The following TSNAXIP1 variants were observed in gnomAD, a reference collection of about 807,000 sequenced individuals.
TSNAXIP1 encodes the protein translin associated factor X interacting protein 1, also known as translin-associated factor X-interacting protein 1.
A neutral mutation model predicts 84.8 loss-of-function variants in TSNAXIP1; 89 were observed. The ratio of observed to expected loss-of-function variants is 1.05; its 90% CI spans 0.88 to 1.25. TSNAXIP1 has a LOEUF of 1.25. Among genes scored for constraint, TSNAXIP1 ranks in the 50% most tolerant of loss-of-function variants. TSNAXIP1 has a pLI of 0.00. For missense variants in TSNAXIP1, 874 were observed against 887.6 expected (o/e 0.98, Z 0.20); for synonymous variants, 347 against 335.2 (o/e 1.04, Z -0.39).
At position 67,827,603 on chromosome 16, in the gene TSNAXIP1, G is replaced by A. The variant is rs369138982; in HGVS notation, c.1898+24G>A. Reference sequence around the variant, plus strand: ...CTGTGAGTGACCCTCATCCATAGGCGAGTCCCACAGGCTGGGCCCCTGAAG... The same window carrying A: ...CTGTGAGTGACCCTCATCCATAGGCAAGTCCCACAGGCTGGGCCCCTGAAG... On this transcript the variant is annotated intron_variant, in intron 15 of 15. Coordinates refer to ENST00000561639, the MANE Select transcript of TSNAXIP1 (RefSeq NM_001288990.3). The A allele has an allele frequency of 1.2e-4, 199 of 1,613,452 alleles. 1 individual carries two copies. The East Asian group carries it at 2.1e-3, about 17-fold the overall frequency.
intron 1 of TSNAXIP1, among the ~76,000 whole-genome samples, chr16:67,808,939 T>G (rs1567732453): frequency 6.7e-6 from 1 of 150,266 alleles, no homozygotes; most frequent in African/African-American, 2.5e-5. Flanking sequence ...GTAATCCCAA[T>G]ACTTTGGGAG....
intron 15 of TSNAXIP1, 28 bp from the exon 16 acceptor site, chr16:67,827,725 G>T: frequency 6.2e-7 from 1 of 1,613,294 alleles, no homozygotes. Flanking sequence ...AGGGGTCAGG[G>T]CCTGTCACTC....
chr16:67,823,157 G>A (rs533046900), intron 4 of TSNAXIP1, among the ~76,000 whole-genome samples: 50 of 152,292 alleles, frequency 3.3e-4, no homozygotes, highest in Admixed American at 1.7e-3. Flanking sequence ...CCCAGGCTCC[G>A]TGGCACTGTG....
rs779409740 is a variant in TSNAXIP1, at chr16:67,823,702, C to G, written c.464C>G (p.Ala155Gly). 9.3e-6 allele frequency: 15 copies of G among 1,612,140 alleles called. No individual in the cohort carries two copies. Among genetic ancestry groups the G allele is most frequent in the Non-Finnish European group, 1.1e-5 (13 of 1,178,998 alleles). The change falls in exon 5 of 16, where the codon GCG (alanine) becomes GGG (glycine). Residue 155 changes from alanine (A) to glycine (G), a missense_variant. By Grantham distance (60) the Ala-to-Gly change is moderately conservative (BLOSUM62 0). Transcript: ENST00000561639. ...CCATTACTATCCTCCATCAAGAATGCGTATGAGGGGATGCTGGGTAAGAAT... is the reference window on the plus strand; with the variant it reads ...CCATTACTATCCTCCATCAAGAATGGGTATGAGGGGATGCTGGGTAAGAAT... ...YKPLLSSIKN[A>G]YEGMLAHQRE... is the part of the protein sequence containing the mutation.
At chr16:67,817,373 C>G (rs1455604659) in intron 2 of TSNAXIP1, among the ~76,000 whole-genome samples, 1 of 144,834 alleles carries the variant, frequency 6.9e-6, no homozygotes, top group Non-Finnish European at 1.5e-5. Flanking sequence ...GTCTCGATCT[C>G]CTAACCTCGT....
chr16:67,825,314 C>T (rs756757565), intron 7 of TSNAXIP1, 42 bp downstream of exon 7: 85 of 1,609,232 alleles, frequency 5.3e-5, no homozygotes, highest in Middle Eastern at 1.7e-4. Context: ...TTCTCTGAGA[C>T]GCTGGAAGAC....
chr16:67,807,411 A>T, intron 1 of TSNAXIP1: 1 of 1,514,426 alleles, frequency 6.6e-7, no homozygotes, highest in South Asian at 1.2e-5. Context: ...CATTACTAGT[A>T]ACAACCAGCT....
rs766567160 is a variant in TSNAXIP1 at position 67,826,216 on chromosome 16, G to C, written c.1209G>C (p.Leu403=). 33 of 1,606,302 alleles carry C rather than the reference G, an allele frequency of 2.1e-5. No homozygotes were observed. The highest frequency in any genetic ancestry group is 2.7e-5 in the Non-Finnish European group (32 of 1,175,344). Residue 403 remains leucine (L), a synonymous_variant, in exon 10 of 16, where the codon CTG becomes CTC. Transcript: ENST00000561639. Reference sequence around the variant, plus strand: ...CTGAGGGCAAGAACAGCGACCAGCTGGTGGACGTGCTCCTGGAAGAGATTG... The same window carrying C: ...CTGAGGGCAAGAACAGCGACCAGCTCGTGGACGTGCTCCTGGAAGAGATTG... ...MLAEGKNSDQ[L]VDVLLEEIGS...
In TSNAXIP1 at chr16:67,823,718, G is replaced by A. The variant is rs748467914; in HGVS notation, c.480G>A (p.Leu160=). The A allele has an allele frequency of 1.7e-5, 28 of 1,611,246 alleles. No homozygotes were observed. Among genetic ancestry groups the A allele is most frequent in the Non-Finnish European group, 2.0e-5 (24 of 1,178,380 alleles). The change falls in exon 5 of 16, where the codon CTG becomes CTA. Residue 160 remains leucine (L), a splice_region_variant and synonymous_variant. Transcript: ENST00000561639. ...SSIKNAYEGM[L]AHQREKIRAL... is the part of the protein sequence containing the mutation. Reference sequence around the variant, plus strand: ...TCAAGAATGCGTATGAGGGGATGCTGGGTAAGAATGCACCTCCTGCCAGGC... The same window carrying A: ...TCAAGAATGCGTATGAGGGGATGCTAGGTAAGAATGCACCTCCTGCCAGGC...
chr16:67,828,038 C>A lies in TSNAXIP1; in HGVS notation c.*45C>A, dbSNP rs774182196. On this transcript the variant is annotated 3_prime_UTR_variant, in exon 16 of 16. Coordinates refer to ENST00000561639, the MANE Select transcript of TSNAXIP1 (RefSeq NM_001288990.3). ...GTACTCCAGTCCTGCTAACCCCTAG[C>A]TTTTAATATAAAAGTGTTTGTCTGA... 9 of 1,598,040 alleles carry A rather than the reference C, an allele frequency of 5.6e-6. No homozygotes were observed. Among genetic ancestry groups the A allele is most frequent in the East Asian group, 4.5e-5 (2 of 44,714 alleles).
Position 67,826,718 on chromosome 16 carries a change from C to T in TSNAXIP1, c.1428C>T (p.Phe476=), listed in dbSNP as rs771040096. 5.1e-5 allele frequency: 82 copies of T among 1,613,622 alleles called. No homozygotes were observed. Among genetic ancestry groups the T allele is most frequent in the Non-Finnish European group, 6.9e-5 (81 of 1,179,878 alleles). The stretch of plus-strand genomic sequence containing the variant: ...AAGAGACGTTCCCAGATTTCTTCTT[C>T]AATTTCCTGGAGCATCGCTTTGGGC... ...EQKETFPDFF[F]NFLEHRFGPS... Residue 476 remains phenylalanine (F), a synonymous_variant, in exon 12 of 16, where the codon TTC becomes TTT. Coordinates refer to ENST00000561639, the MANE Select transcript of TSNAXIP1 (RefSeq NM_001288990.3).
chr16:67,808,443 G>T (rs2055694123), intron 1 of TSNAXIP1, among the ~76,000 whole-genome samples: 1 of 152,096 alleles, frequency 6.6e-6, no homozygotes, highest in Admixed American at 6.5e-5. Context: ...GCATGGGGGT[G>T]GGCACCTGTA....
At chr16:67,824,869 A>G (rs1228330844) in intron 6 of TSNAXIP1, 90 bp downstream of exon 6, 14 of 1,385,532 alleles carry the variant, frequency 1.0e-5, no homozygotes, top group Non-Finnish European at 1.4e-5. Context: ...CTGCCTTTCT[A>G]CGGAGAGTGA....
intron 2 of TSNAXIP1, among the ~76,000 whole-genome samples, chr16:67,818,466 G>C (rs1254461700): frequency 6.6e-6 from 1 of 152,072 alleles, no homozygotes; most frequent in East Asian, 1.9e-4. Flanking sequence ...ACTGTGAGGT[G>C]TTATTGGGTC....
In TSNAXIP1 at chr16:67,820,040, G is replaced by A. The variant is rs978519807; in HGVS notation, c.148-799G>A. Among the ~76,000 whole-genome samples, 3 of 151,698 alleles carry A rather than the reference G, an allele frequency of 2.0e-5. No individual in the cohort carries two copies. The South Asian group carries it at 6.2e-4, about 32-fold the overall frequency. Reference sequence around the variant, plus strand: ...TCACTGTGTTAACCAGGATGGTCTCGATCTCCTGACCTCGTGATCCATCCG... The same window carrying A: ...TCACTGTGTTAACCAGGATGGTCTCAATCTCCTGACCTCGTGATCCATCCG... On this transcript the variant is annotated intron_variant, in intron 2 of 15. Transcript: ENST00000561639.
chr16:67,811,289 A>G (rs2056055943), intron 1 of TSNAXIP1, among the ~76,000 whole-genome samples: 2 of 152,142 alleles, frequency 1.3e-5, no homozygotes, highest in Non-Finnish European at 2.9e-5. Context: ...CTCCTTTGAT[A>G]TTCAAAACTA....
intron 4 of TSNAXIP1, among the ~76,000 whole-genome samples, chr16:67,822,999 G>A (rs1458939872): frequency 1.3e-5 from 2 of 152,168 alleles, no homozygotes; most frequent in African/African-American, 4.8e-5. Flanking sequence ...ACAAGTGAGA[G>A]GCCAATGATG....
intron 2 of TSNAXIP1, among the ~76,000 whole-genome samples, chr16:67,814,643 CAG>C (rs572900963): frequency 6.5e-4 from 99 of 152,244 alleles, no homozygotes; most frequent in African/African-American, 2.3e-3. Flanking sequence ...TCTCCCTAGG[CAG>C]AGAGAGAACT....
chr16:67,811,117 C>T (rs2056034331), intron 1 of TSNAXIP1, among the ~76,000 whole-genome samples: 1 of 152,138 alleles, frequency 6.6e-6, no homozygotes, highest in Admixed American at 6.6e-5. Context: ...AGCCACCGCG[C>T]CCGGCCGATC....
Sources: allele counts gnomAD v4.1 joint callset (sites outside exome capture counted in the v4.1 genomes callset), GRCh38; gene constraint gnomAD v4.1.1; transcripts MANE v1.5; gene names NCBI Gene and HGNC (gene_info 2026-07-23, HGNC 2026-07-21).